The following LRMDA variants were observed in gnomAD, a reference collection of about 807,000 sequenced individuals.
LRMDA encodes the protein leucine-rich melanocyte differentiation-associated protein.
Under a neutral mutation model 29.8 loss-of-function variants are expected in LRMDA, and 18 were observed. The observed-to-expected ratio is 0.60, with a 90% CI of 0.42 to 0.90. LRMDA has a LOEUF of 0.90. Among genes scored for constraint, LRMDA ranks in the 40% least tolerant of loss-of-function variants. The pLI, the probability that LRMDA is intolerant of heterozygous loss-of-function variation, is 0.00. For synonymous variants in LRMDA, 125 were observed against 109.4 expected, an observed-to-expected ratio of 1.14 and a Z score of -0.89; for missense variants, 273 against 273.9, an observed-to-expected ratio of 1.00 and a Z score of 0.02.
chr10:75,585,415 A>C (rs1391512283), intron 2 of LRMDA, among the ~76,000 whole-genome samples: 1 of 152,154 alleles, frequency 6.6e-6, no homozygotes, highest in Admixed American at 6.5e-5. Context: ...GGTTGTTTGC[A>C]GTTTTTGGTT....
intron 5 of LRMDA, among the ~76,000 whole-genome samples, chr10:76,273,953 A>G (rs886465572): frequency 2.0e-5 from 3 of 152,180 alleles, no homozygotes; most frequent in African/African-American, 4.8e-5. Flanking sequence ...ATGGATTTTT[A>G]CATACTACCT....
At chr10:76,233,766 C>T (rs1297103075) in intron 5 of LRMDA, among the ~76,000 whole-genome samples, 1 of 152,214 alleles carries the variant, frequency 6.6e-6, no homozygotes, top group African/African-American at 2.4e-5. Flanking sequence ...AGCAACTCCT[C>T]ATCTTTAAAA....
At chr10:75,657,095 A>G (rs2132131258) in intron 2 of LRMDA, among the ~76,000 whole-genome samples, 1 of 152,316 alleles carries the variant, frequency 6.6e-6, no homozygotes, top group East Asian at 1.9e-4. Flanking sequence ...GTCAAAACAT[A>G]TTGGGTAGCA....
intron 2 of LRMDA, among the ~76,000 whole-genome samples, chr10:75,688,750 A>T (rs1842111449): frequency 6.6e-6 from 1 of 152,198 alleles, no homozygotes; most frequent in African/African-American, 2.4e-5. Flanking sequence ...GGCAATCTTC[A>T]CTGTTGTCTT....
chr10:76,505,523 G>T (rs940716223), intron 6 of LRMDA, among the ~76,000 whole-genome samples: 5 of 151,992 alleles, frequency 3.3e-5, no homozygotes, highest in African/African-American at 1.2e-4. Flanking sequence ...CAAGCTCTGA[G>T]ATTCTTTCTG....
chr10:76,491,673 C>T (rs115584890), intron 6 of LRMDA, among the ~76,000 whole-genome samples: 245 of 152,000 alleles, frequency 1.6e-3, no homozygotes, highest in African/African-American at 5.8e-3. Flanking sequence ...GTTAAACCTT[C>T]TTAGTGTTCT....
Position 75,731,082 on chromosome 10 carries a change from G to A in LRMDA, c.131+292588G>A, listed in dbSNP as rs535086665. Among the ~76,000 whole-genome samples the A allele has an allele frequency of 1.6e-4, 24 of 152,336 alleles. No homozygotes were observed. The South Asian group carries it at 4.3e-3, about 28-fold the overall frequency. On this transcript the variant is annotated intron_variant, in intron 2 of 6. Coordinates refer to ENST00000611255, the MANE Select transcript of LRMDA (RefSeq NM_001305581.2). ...TAAATCATGTACATTGCTGGTGTCT[G>A]TATGAGGATGCTTGGGTTGATACTG...
At chr10:76,041,289 C>T (rs1051999195) in intron 3 of LRMDA, among the ~76,000 whole-genome samples, 2 of 152,190 alleles carry the variant, frequency 1.3e-5, no homozygotes, top group Non-Finnish European at 2.9e-5. Flanking sequence ...TGTAAGAACC[C>T]TCATGTTCCA....
chr10:76,117,635 T>G (rs757532732), intron 5 of LRMDA, among the ~76,000 whole-genome samples: 3 of 152,250 alleles, frequency 2.0e-5, no homozygotes, highest in African/African-American at 4.8e-5. Flanking sequence ...ACTGGCTCTG[T>G]GGCCTTCGAG....
At chr10:76,061,711 A>G (rs1272576587) in intron 5 of LRMDA, among the ~76,000 whole-genome samples, 3 of 152,100 alleles carry the variant, frequency 2.0e-5, no homozygotes, top group Non-Finnish European at 4.4e-5. Flanking sequence ...CTGAGGCTCC[A>G]TGGAATTGGG....
At chr10:76,063,749 C>G (rs906226045) in intron 5 of LRMDA, among the ~76,000 whole-genome samples, 5 of 152,114 alleles carry the variant, frequency 3.3e-5, no homozygotes, top group Admixed American at 2.6e-4. Context: ...CCACAAATAC[C>G]CTACATAGTC....
chr10:76,200,310 A>C (rs1252898300), intron 5 of LRMDA, among the ~76,000 whole-genome samples: 1 of 152,200 alleles, frequency 6.6e-6, no homozygotes, highest in Non-Finnish European at 1.5e-5. Flanking sequence ...GAATGTATGC[A>C]TGTTTAATGG....
intron 2 of LRMDA, among the ~76,000 whole-genome samples, chr10:75,564,352 A>G (rs1411266517): frequency 6.6e-6 from 1 of 152,138 alleles, no homozygotes; most frequent in African/African-American, 2.4e-5. Flanking sequence ...GTGGGATATA[A>G]TCTCCTGGTG....
At chr10:75,837,760 TAA>T (rs34216180) in intron 2 of LRMDA, among the ~76,000 whole-genome samples, 9 of 150,192 alleles carry the variant, frequency 6.0e-5, no homozygotes, top group African/African-American at 2.0e-4. Context: ...CACATTAAAA[TAA>T]AAAAAAAAAT....
intron 5 of LRMDA, among the ~76,000 whole-genome samples, chr10:76,158,934 A>G (rs1020303622): frequency 3.3e-5 from 5 of 152,282 alleles, no homozygotes; most frequent in Admixed American, 2.6e-4. Context: ...AGGAAATTAG[A>G]TAGATAAAAT....
chr10:75,807,252 G>A (rs767497207), intron 2 of LRMDA, among the ~76,000 whole-genome samples: 20 of 152,300 alleles, frequency 1.3e-4, no homozygotes, highest in South Asian at 1.0e-3. Flanking sequence ...TGCAGCACAG[G>A]GAGGGAAAGC....
intron 2 of LRMDA, among the ~76,000 whole-genome samples, chr10:75,831,401 A>T (rs1019143400): frequency 2.6e-5 from 4 of 152,186 alleles, no homozygotes; most frequent in Non-Finnish European, 4.4e-5. Context: ...CATGTCTCAC[A>T]TCTAGGTCAC....
At chr10:76,153,701 A>AG (rs1850488185) in intron 5 of LRMDA, among the ~76,000 whole-genome samples, 1 of 152,232 alleles carries the variant, frequency 6.6e-6, no homozygotes, top group Non-Finnish European at 1.5e-5. Context: ...TAAATCACAT[A>AG]CTAGCCTCTT....
At chr10:75,465,926 CT>C (rs1844645120) in intron 2 of LRMDA, among the ~76,000 whole-genome samples, 1 of 152,230 alleles carries the variant, frequency 6.6e-6, no homozygotes, top group South Asian at 2.1e-4. Flanking sequence ...TGCTCACCCC[CT>C]TTTCTGACTA....
Sources: allele counts gnomAD v4.1 joint callset (sites outside exome capture counted in the v4.1 genomes callset), GRCh38; gene constraint gnomAD v4.1.1; transcripts MANE v1.5; gene names NCBI Gene and HGNC (gene_info 2026-07-23, HGNC 2026-07-21).